The following RFX2 variants were observed in gnomAD, a reference collection of about 807,000 sequenced individuals.
RFX2 encodes DNA-binding protein RFX2.
In RFX2, 20 loss-of-function variants were observed where a neutral mutation model predicts 87.8. The observed-to-expected ratio is 0.23, with a 90% confidence interval of 0.16 to 0.33. The LOEUF (loss-of-function observed/expected upper bound fraction) is 0.33. RFX2 is among the 10% of genes least tolerant of loss of function. The pLI is 1.00. For missense variants in RFX2, 767 were observed against 1,012.3 expected, an observed-to-expected ratio of 0.76 and a Z score of 3.29; for synonymous variants, 397 against 431.3, an observed-to-expected ratio of 0.92 and a Z score of 0.98.
In RFX2 at chr19:6,010,558, C is replaced by T. The variant is rs924105905; in HGVS notation, c.900-307G>A. On this transcript the variant is annotated intron_variant, in intron 8 of 17. Transcript: ENST00000303657. This position sits in a 1 kb window ranked among gnomAD's most constrained non-coding sequence, Gnocchi z 5.0. Reference sequence around the variant, plus strand: ...CATCCCTGTCCCCAGCCCCTGGCACCCCTGATCTGACTTCCCGTCTCTGTG... The same window carrying T: ...CATCCCTGTCCCCAGCCCCTGGCACTCCTGATCTGACTTCCCGTCTCTGTG... Among the ~76,000 whole-genome samples the T allele has an allele frequency of 6.6e-6, 1 of 152,126 alleles. No homozygotes were observed. Among genetic ancestry groups the T allele is most frequent in the Non-Finnish European group, 1.5e-5 (1 of 68,034 alleles).
At chr19:6,000,078 G>A (rs533900757) in intron 15 of RFX2, among the ~76,000 whole-genome samples, 9 of 151,906 alleles carry the variant, frequency 5.9e-5, no homozygotes, top group African/African-American at 1.2e-4. Context: ...TCTGCCTCCC[G>A]GATTCAAGTG....
At chr19:6,079,404 A>C (rs2087744244) in intron 1 of RFX2, among the ~76,000 whole-genome samples, 1 of 152,252 alleles carries the variant, frequency 6.6e-6, no homozygotes, top group Non-Finnish European at 1.5e-5. Flanking sequence ...AGAGGCATTT[A>C]TGCCAAGTGA....
At position 6,087,023 on chromosome 19, in the gene RFX2, A is replaced by G. The variant is rs532509097; in HGVS notation, c.-9+23370T>C. 8.7e-4 allele frequency among the ~76,000 whole-genome samples: 133 copies of G among 152,154 alleles called. 1 individual carries two copies. Among genetic ancestry groups the G allele is most frequent in the African/African-American group, 3.0e-3 (125 of 41,502 alleles). The stretch of plus-strand genomic sequence containing the variant: ...TTTTTTTTAATCTTTTAAAACTTAA[A>G]TTCACAAATTTGAGGACTCCAATTC... On this transcript the variant is annotated intron_variant, in intron 1 of 17. Coordinates refer to ENST00000303657, the MANE Select transcript of RFX2 (RefSeq NM_000635.4).
chr19:6,036,665 A>G (rs571975194), intron 5 of RFX2, among the ~76,000 whole-genome samples: 61 of 152,230 alleles, frequency 4.0e-4, no homozygotes, highest in Non-Finnish European at 6.9e-4. Context: ...ATGTAAAAAA[A>G]CGTTTGACAG....
intron 12 of RFX2, among the ~76,000 whole-genome samples, chr19:6,006,155 G>A (rs139857225): frequency 1.1e-4 from 17 of 152,232 alleles, no homozygotes; most frequent in East Asian, 9.7e-4. Context: ...GGCCCACAGC[G>A]GCTCTCACTT....
chr19:6,068,960 C>T (rs1285530537), intron 1 of RFX2, among the ~76,000 whole-genome samples: 1 of 152,086 alleles, frequency 6.6e-6, no homozygotes, highest in East Asian at 1.9e-4. Flanking sequence ...GGGGCAAAGC[C>T]GTCAGACTCT....
At chr19:6,097,951 C>A (rs2088053684) in intron 1 of RFX2, among the ~76,000 whole-genome samples, 1 of 152,186 alleles carries the variant, frequency 6.6e-6, no homozygotes, top group Non-Finnish European at 1.5e-5. Flanking sequence ...CTACTCCTTA[C>A]TGAGGGCTGC....
chr19:6,031,564 G>T (rs1017949428), intron 5 of RFX2, among the ~76,000 whole-genome samples: 3 of 150,288 alleles, frequency 2.0e-5, no homozygotes, highest in Non-Finnish European at 3.0e-5. Context: ...CGAGCAGCTG[G>T]GATTACAGGT....
At position 6,047,352 on chromosome 19, in the gene RFX2, T is replaced by C. The variant is rs898155412; in HGVS notation, c.90+55A>G. 27 of 1,400,732 alleles carry C rather than the reference T, an allele frequency of 1.9e-5. No homozygotes were observed. In the Admixed American group the frequency reaches 5.5e-4, roughly 28 times the overall value. 86.8% of individuals were successfully genotyped at this position (1,400,732 alleles called of 1,614,324 possible). On this transcript the variant is annotated intron_variant, in intron 2 of 17. Coordinates refer to ENST00000303657, the MANE Select transcript of RFX2 (RefSeq NM_000635.4). This position sits in a 1 kb window ranked among gnomAD's most constrained non-coding sequence, Gnocchi z 4.2. ...CAGATCTGAGCAGCTTTCAAACCCATAGAGATCGCGTCCACACTGTGGCCA... is the reference window on the plus strand; with the variant it reads ...CAGATCTGAGCAGCTTTCAAACCCACAGAGATCGCGTCCACACTGTGGCCA...
At chr19:6,025,974 G>A (rs975670746) in intron 6 of RFX2, among the ~76,000 whole-genome samples, 189 bp downstream of exon 6, 1 of 151,668 alleles carries the variant, frequency 6.6e-6, no homozygotes, top group Non-Finnish European at 1.5e-5. Context: ...TAATAGAGAC[G>A]GGGTTTCACC....
chr19:6,033,721 A>C (rs1181779783), intron 5 of RFX2, among the ~76,000 whole-genome samples: 1 of 151,958 alleles, frequency 6.6e-6, no homozygotes, highest in East Asian at 1.9e-4. Flanking sequence ...AGTGAACCCT[A>C]ATGTGAACGG....
chr19:6,047,482 C>T lies in RFX2; in HGVS notation c.15G>A (p.Glu5=). The T allele has an allele frequency of 6.2e-7, 1 of 1,608,664 alleles. No individual in the cohort carries two copies. Among genetic ancestry groups the T allele is most frequent in the Non-Finnish European group, 8.5e-7 (1 of 1,177,618 alleles). The change falls in exon 2 of 18, where the codon GAG becomes GAA. Residue 5 remains glutamate, a synonymous_variant. Transcript: ENST00000303657. The surrounding 1 kb of genome is among the most constrained non-coding windows in gnomAD (Gnocchi z 4.2). MQNS[E]GGADSPASVA... ...CGGACGCTGGCGAATCCGCTCCACCCTCGGAATTCTGCATGCTCAGGTCTA... is the reference window on the plus strand; with the variant it reads ...CGGACGCTGGCGAATCCGCTCCACCTTCGGAATTCTGCATGCTCAGGTCTA...
chr19:6,006,144 C>T (rs1363498664), intron 12 of RFX2, among the ~76,000 whole-genome samples: 8 of 152,300 alleles, frequency 5.3e-5, no homozygotes, highest in South Asian at 2.1e-4. Flanking sequence ...ACACATTCTA[C>T]GGCCCACAGC....
intron 1 of RFX2, among the ~76,000 whole-genome samples, chr19:6,066,034 G>T (rs2087505335): frequency 6.6e-6 from 1 of 152,128 alleles, no homozygotes; most frequent in Non-Finnish European, 1.5e-5. Flanking sequence ...TGTGTCACCC[G>T]CTCTGAATGA....
chr19:6,042,224 T>C (rs565326290), intron 3 of RFX2, 101 bp from the exon 4 acceptor site: 1 of 1,008,876 alleles, frequency 9.9e-7, no homozygotes, highest in African/African-American at 1.6e-5. Flanking sequence ...TATGAACATT[T>C]AGTACCAAAT....
chr19:6,074,000 C>T (rs747395664), intron 1 of RFX2, among the ~76,000 whole-genome samples: 3 of 152,158 alleles, frequency 2.0e-5, no homozygotes, highest in South Asian at 2.1e-4. Context: ...GACCACAGGG[C>T]GACTTCTAGG....
At chr19:6,096,668 G>A (rs570005326) in intron 1 of RFX2, among the ~76,000 whole-genome samples, 4 of 152,256 alleles carry the variant, frequency 2.6e-5, no homozygotes, top group Admixed American at 1.3e-4. Context: ...GGATGGTCTC[G>A]ATCTCCTGAC....
chr19:6,034,321 C>T (rs898392710), intron 5 of RFX2, among the ~76,000 whole-genome samples: 8 of 151,854 alleles, frequency 5.3e-5, no homozygotes, highest in South Asian at 2.1e-4. Flanking sequence ...CTCCGCCTCC[C>T]GGGTTCAAGT....
At chr19:6,099,943 G>A (rs2088092615) in intron 1 of RFX2, among the ~76,000 whole-genome samples, 1 of 152,174 alleles carries the variant, frequency 6.6e-6, no homozygotes, top group African/African-American at 2.4e-5. Context: ...TAGAGGCCTG[G>A]GAGGCTGCTC....
Sources: allele counts gnomAD v4.1 joint callset (sites outside exome capture counted in the v4.1 genomes callset), GRCh38; gene constraint gnomAD v4.1.1; non-coding constraint Gnocchi (gnomAD v3.1); transcripts MANE v1.5; gene names NCBI Gene and HGNC (gene_info 2026-07-23, HGNC 2026-07-21).